The following PARP9 variants were observed in gnomAD, a reference collection of about 807,000 sequenced individuals.
The protein encoded by PARP9 is protein mono-ADP-ribosyltransferase PARP9.
Under a neutral mutation model 68.8 loss-of-function variants are expected in PARP9, and 48 were observed. That is an observed-to-expected ratio of 0.70 (90% CI 0.55 to 0.89). The LOEUF is 0.89. Among genes scored for constraint, PARP9 ranks in the 40% least tolerant of loss-of-function variants. PARP9 has a pLI of 0.00. For synonymous variants in PARP9, 309 were observed against 333.8 expected, an observed-to-expected ratio of 0.93 and a Z score of 0.81; for missense variants, 806 against 969.3, an observed-to-expected ratio of 0.83 and a Z score of 2.24.
rs1440426626 is a variant in PARP9 at position 122,528,355 on chromosome 3, A to T, written c.*9T>A. On this transcript the variant is annotated 3_prime_UTR_variant, in exon 11 of 11. Transcript: ENST00000682323. ...TAAGGCCATACCAGCTGTTAAAATG[A>T]TGTAGAGATTAATCAACAGGGCTGC... 1 of 1,607,510 alleles carries T rather than the reference A, an allele frequency of 6.2e-7. No homozygotes were observed. The highest frequency in any genetic ancestry group is 1.3e-5 in the African/African-American group (1 of 74,856).
intron 4 of PARP9, 75 bp downstream of exon 4, chr3:122,555,211 T>C (rs997468460): frequency 7.3e-6 from 10 of 1,365,776 alleles, no homozygotes; most frequent in Non-Finnish European, 1.0e-5. Flanking sequence ...TAGTGTTGCA[T>C]AGTGTACACT....
At chr3:122,548,535 C>T (rs1171064005) in intron 6 of PARP9, among the ~76,000 whole-genome samples, 1 of 152,164 alleles carries the variant, frequency 6.6e-6, no homozygotes, top group Non-Finnish European at 1.5e-5. Context: ...TCATTAAAGT[C>T]TTTCTCGAAA....
intron 7 of PARP9, among the ~76,000 whole-genome samples, chr3:122,542,290 G>A (rs2078300012): frequency 7.5e-6 from 1 of 133,864 alleles, no homozygotes; most frequent in Non-Finnish European, 1.5e-5. Context: ...TAGAGACAGG[G>A]TGTCACTATG....
chr3:122,536,780 C>A, intron 9 of PARP9, 154 bp downstream of exon 9: 1 of 866,582 alleles, frequency 1.2e-6, no homozygotes, highest in Non-Finnish European at 1.8e-6. Context: ...CTCGTGCCTG[C>A]CCTGCCCTGC....
chr3:122,551,672 G>C (rs1411454651), intron 5 of PARP9, among the ~76,000 whole-genome samples: 1 of 152,092 alleles, frequency 6.6e-6, no homozygotes, highest in Non-Finnish European at 1.5e-5. Context: ...GCATGGGTGG[G>C]AAGAGACCTC....
chr3:122,560,879 C>T (rs1167034379), intron 1 of PARP9, among the ~76,000 whole-genome samples: 1 of 152,196 alleles, frequency 6.6e-6, no homozygotes, highest in Non-Finnish European at 1.5e-5. Flanking sequence ...ACTTCATCTG[C>T]TTTGGCCATG....
chr3:122,529,619 T>G (rs930137575), intron 10 of PARP9, among the ~76,000 whole-genome samples: 1 of 151,688 alleles, frequency 6.6e-6, no homozygotes, highest in Non-Finnish European at 1.5e-5. Flanking sequence ...CCGGGCGCAG[T>G]TGGGGGCGCC....
chr3:122,556,046 T>C lies in PARP9; in HGVS notation c.125A>G (p.Asn42Ser), dbSNP rs776455602. ...NHNDFKILKNNERQLCEVLQN... is the reference protein window; with the variant it reads ...NHNDFKILKNSERQLCEVLQN... Reference sequence around the variant, plus strand: ...GAGGACTTCACACAGCTGACGCTCATTATTTTTTAAAATTTTGAAGTCATT... The same window carrying C: ...GAGGACTTCACACAGCTGACGCTCACTATTTTTTAAAATTTTGAAGTCATT... Residue 42 changes from asparagine (N) to serine (S), a missense_variant, in exon 4 of 11, where the codon AAT becomes AGT. Physicochemically the swap from Asn to Ser is conservative, Grantham distance 46. Coordinates refer to ENST00000682323, the MANE Select transcript of PARP9 (RefSeq NM_001146105.2). 4 of 1,612,928 alleles carry C rather than the reference T, an allele frequency of 2.5e-6. No individual in the cohort carries two copies. Among genetic ancestry groups the C allele is most frequent in the Non-Finnish European group, 3.4e-6 (4 of 1,179,864 alleles).
At chr3:122,532,275 A>T in intron 10 of PARP9, 1 of 985,346 alleles carries the variant, frequency 1.0e-6, no homozygotes. Flanking sequence ...GAAAAGACAT[A>T]GAGTGGCCTG....
intron 9 of PARP9, 105 bp downstream of exon 9, chr3:122,536,829 T>C (rs2077680809): frequency 1.5e-6 from 2 of 1,346,694 alleles, no homozygotes; most frequent in East Asian, 4.6e-5. Flanking sequence ...TCCAAGTCCA[T>C]GAGCAGCCAG....
intron 10 of PARP9, chr3:122,535,244 C>T: frequency 1.0e-6 from 1 of 985,304 alleles, no homozygotes; most frequent in Non-Finnish European, 1.2e-6. Flanking sequence ...CAAAAGGCTT[C>T]TTGGTAGGGA....
intron 3 of PARP9, among the ~76,000 whole-genome samples, chr3:122,557,926 C>T (rs141921727): frequency 1.3e-5 from 2 of 152,296 alleles, no homozygotes; most frequent in African/African-American, 4.8e-5. Context: ...AAAAAATGTG[C>T]ATCCTAAAAT....
intron 10 of PARP9, chr3:122,534,323 G>C: frequency 1.0e-6 from 1 of 984,708 alleles, no homozygotes; most frequent in Non-Finnish European, 1.2e-6. Flanking sequence ...CTCCCTGATA[G>C]GCAATGAACC....
intron 10 of PARP9, among the ~76,000 whole-genome samples, chr3:122,529,730 G>T (rs562542117): frequency 4.7e-5 from 7 of 149,986 alleles, no homozygotes; most frequent in African/African-American, 1.5e-4. Context: ...CTCCAGCCTG[G>T]GCAACACAGC....
chr3:122,551,484 CTTTTA>C (rs749392566), intron 5 of PARP9, among the ~76,000 whole-genome samples: 6 of 152,060 alleles, frequency 3.9e-5, no homozygotes, highest in Non-Finnish European at 8.8e-5. Context: ...TTCTTTAATG[CTTTTA>C]TTTTATTTTA....
At chr3:122,557,694 G>C (rs946380817) in intron 3 of PARP9, among the ~76,000 whole-genome samples, 1 of 152,086 alleles carries the variant, frequency 6.6e-6, no homozygotes, top group Non-Finnish European at 1.5e-5. Flanking sequence ...TGCCCAGTCC[G>C]GCTTCCTCTC....
At chr3:122,564,144 G>C in intron 1 of PARP9, 101 bp downstream of exon 1, 2 of 473,214 alleles carry the variant, frequency 4.2e-6, no homozygotes, top group Non-Finnish European at 7.5e-6. Context: ...AGGGAGGCCT[G>C]GCCCTGGGAC....
chr3:122,537,275 G>T (rs1430189714), intron 8 of PARP9, among the ~76,000 whole-genome samples: 1 of 152,182 alleles, frequency 6.6e-6, no homozygotes, highest in African/African-American at 2.4e-5. Flanking sequence ...GTCTTTGGAT[G>T]ATTTGAATCA....
chr3:122,560,927 A>G (rs929252840), intron 1 of PARP9, among the ~76,000 whole-genome samples: 27 of 152,206 alleles, frequency 1.8e-4, no homozygotes, highest in African/African-American at 6.3e-4. Flanking sequence ...TTCTGTCTTC[A>G]GGCCAAGTTT....
Sources: allele counts gnomAD v4.1 joint callset (sites outside exome capture counted in the v4.1 genomes callset), GRCh38; gene constraint gnomAD v4.1.1; transcripts MANE v1.5; gene names NCBI Gene and HGNC (gene_info 2026-07-23, HGNC 2026-07-21).